ARHGAP24: variants seen among roughly 807,000 people sequenced by gnomAD.
ARHGAP24 encodes rho GTPase-activating protein 24.
ARHGAP24 carries 50 observed loss-of-function variants against 76.4 expected under a neutral mutation model. The ratio of observed to expected loss-of-function variants is 0.65; its 90% CI spans 0.52 to 0.83. ARHGAP24 has a LOEUF of 0.83. ARHGAP24 is among the 40% of genes least tolerant of loss of function. ARHGAP24 has a pLI of 0.00. For synonymous variants in ARHGAP24, 345 were observed against 323.3 expected (o/e 1.07, Z -0.72); for missense variants, 930 against 914.2 (o/e 1.02, Z -0.22).
intron 3 of ARHGAP24, among the ~76,000 whole-genome samples, chr4:85,783,652 C>T (rs905303896): frequency 6.6e-6 from 1 of 152,052 alleles, no homozygotes; most frequent in African/African-American, 2.4e-5. Context: ...CAATCATGTA[C>T]CCCATTCTCT....
chr4:85,555,311 T>C (rs1052839829), intron 1 of ARHGAP24, among the ~76,000 whole-genome samples: 7 of 152,212 alleles, frequency 4.6e-5, no homozygotes, highest in African/African-American at 7.2e-5. Context: ...GTCAGTTGAC[T>C]TCTTTTCAGG....
intron 1 of ARHGAP24, among the ~76,000 whole-genome samples, chr4:85,499,366 A>T (rs753325365): frequency 1.6e-4 from 25 of 152,200 alleles, no homozygotes; most frequent in Non-Finnish European, 3.1e-4. Context: ...TCTGCTTTAG[A>T]ATCATTCAGA....
chr4:85,676,676 G>T (rs1722991406), intron 2 of ARHGAP24, among the ~76,000 whole-genome samples: 1 of 152,182 alleles, frequency 6.6e-6, no homozygotes, highest in African/African-American at 2.4e-5. Flanking sequence ...TTTAGGTCTG[G>T]AGTTGGGAAG....
intron 2 of ARHGAP24, among the ~76,000 whole-genome samples, chr4:85,611,558 T>C (rs549561240): frequency 2.0e-5 from 3 of 152,376 alleles, no homozygotes; most frequent in African/African-American, 7.2e-5. Flanking sequence ...AAAGTTTGGA[T>C]TTATTAGTCA....
At chr4:85,781,153 A>G (rs1727537607) in intron 3 of ARHGAP24, among the ~76,000 whole-genome samples, 1 of 152,272 alleles carries the variant, frequency 6.6e-6, no homozygotes, top group South Asian at 2.1e-4. Flanking sequence ...ACAATGAATA[A>G]GGCAAGATTT....
chr4:85,948,033 G>A (rs936318181), intron 5 of ARHGAP24, among the ~76,000 whole-genome samples: 17 of 152,106 alleles, frequency 1.1e-4, no homozygotes, highest in African/African-American at 2.4e-4. Flanking sequence ...ACAAGGATCA[G>A]AAAACAAATT....
intron 3 of ARHGAP24, among the ~76,000 whole-genome samples, chr4:85,774,619 C>T (rs1052933590): frequency 1.3e-4 from 20 of 152,118 alleles, no homozygotes; most frequent in Admixed American, 1.3e-4. Context: ...TATCCACAGA[C>T]GATATTCTGG....
chr4:85,693,283 TCAA>T (rs952788474), intron 2 of ARHGAP24, among the ~76,000 whole-genome samples: 1 of 152,128 alleles, frequency 6.6e-6, no homozygotes, highest in African/African-American at 2.4e-5. Context: ...TGGCACTGCA[TCAA>T]CATTTCTTTT....
intron 1 of ARHGAP24, among the ~76,000 whole-genome samples, chr4:85,495,175 C>T (rs991299766): frequency 6.6e-6 from 1 of 150,678 alleles, no homozygotes; most frequent in African/African-American, 2.4e-5. Flanking sequence ...TCCTGAAAGA[C>T]ATGACCTATA....
At chr4:85,943,135 G>T (rs995698196) in intron 5 of ARHGAP24, among the ~76,000 whole-genome samples, 2 of 152,004 alleles carry the variant, frequency 1.3e-5, no homozygotes, top group Admixed American at 1.3e-4. Context: ...TATTGTAGTG[G>T]ATATACACTT....
intron 2 of ARHGAP24, among the ~76,000 whole-genome samples, chr4:85,670,274 A>G (rs1049162975): frequency 6.6e-6 from 1 of 152,198 alleles, no homozygotes; most frequent in African/African-American, 2.4e-5. Flanking sequence ...GTCAACCTTC[A>G]GGTTAGGATA....
intron 3 of ARHGAP24, among the ~76,000 whole-genome samples, chr4:85,872,234 T>C (rs1732573566): frequency 6.6e-6 from 1 of 151,978 alleles, no homozygotes; most frequent in African/African-American, 2.4e-5. Flanking sequence ...TATATTTACA[T>C]TAGGGAGACC....
At chr4:85,612,083 T>TCACAC (rs1173827321) in intron 2 of ARHGAP24, among the ~76,000 whole-genome samples, 2 of 143,770 alleles carry the variant, frequency 1.4e-5, no homozygotes, top group Non-Finnish European at 3.0e-5. Flanking sequence ...TTCATTACAT[T>TCACAC]ACACACACAC....
chr4:85,968,240 A>G (rs1738748675), intron 5 of ARHGAP24, among the ~76,000 whole-genome samples: 1 of 152,064 alleles, frequency 6.6e-6, no homozygotes, highest in African/African-American at 2.4e-5. Flanking sequence ...AGTACCCTAA[A>G]TGGGGTTAAT....
At chr4:85,712,383 C>A (rs1006274882) in intron 2 of ARHGAP24, among the ~76,000 whole-genome samples, 1 of 152,156 alleles carries the variant, frequency 6.6e-6, no homozygotes, top group African/African-American at 2.4e-5. Context: ...CATTTTAAAA[C>A]CCCAGCTGTT....
chr4:85,592,820 G>A (rs968288844), intron 2 of ARHGAP24, among the ~76,000 whole-genome samples: 1 of 152,130 alleles, frequency 6.6e-6, no homozygotes, highest in Admixed American at 6.6e-5. Context: ...ATGAAAGGAT[G>A]TCATTCTTTT....
intron 1 of ARHGAP24, among the ~76,000 whole-genome samples, chr4:85,486,919 C>G (rs1723077946): frequency 6.6e-6 from 1 of 151,806 alleles, no homozygotes; most frequent in African/African-American, 2.4e-5. Context: ...GTGCTGGCCT[C>G]CTCCTGCATC....
chr4:85,518,644 AC>A (rs1724615903), intron 1 of ARHGAP24, among the ~76,000 whole-genome samples: 1 of 152,106 alleles, frequency 6.6e-6, no homozygotes, highest in Non-Finnish European at 1.5e-5. Context: ...GAGTTACTTC[AC>A]CTAGAATAAT....
chr4:85,857,388 T>C (rs1415759503), intron 3 of ARHGAP24, among the ~76,000 whole-genome samples: 1 of 152,352 alleles, frequency 6.6e-6, no homozygotes, highest in Non-Finnish European at 1.5e-5. Context: ...AGTATCCACA[T>C]ACGCTGCTTT....
Sources: allele counts gnomAD v4.1 joint callset (sites outside exome capture counted in the v4.1 genomes callset), GRCh38; gene constraint gnomAD v4.1.1; transcripts MANE v1.5; gene names NCBI Gene and HGNC (gene_info 2026-07-23, HGNC 2026-07-21).